CTNNA3: variants seen among roughly 807,000 people sequenced by gnomAD.
The protein encoded by CTNNA3 is catenin alpha 3.
A neutral mutation model predicts 95.7 loss-of-function variants in CTNNA3; 76 were observed. The ratio of observed to expected loss-of-function variants is 0.79; its 90% CI spans 0.66 to 0.96. The LOEUF (loss-of-function observed/expected upper bound fraction) is 0.96. Among genes scored for constraint, CTNNA3 ranks in the 40% least tolerant of loss-of-function variants. The probability of loss-of-function intolerance (pLI) is 0.00; values close to 1 mark genes in which losing one functional copy is unlikely to be tolerated. For synonymous variants in CTNNA3, 431 were observed against 374.4 expected (o/e 1.15, Z -1.74); for missense variants, 1,191 against 1,089.8 (o/e 1.09, Z -1.31).
At chr10:66,560,626 G>C (rs566529770) in intron 10 of CTNNA3, among the ~76,000 whole-genome samples, 30 of 152,020 alleles carry the variant, frequency 2.0e-4, no homozygotes, top group African/African-American at 6.8e-4. Flanking sequence ...ATTAGTTTAT[G>C]AATTCATTAT....
At position 66,445,151 on chromosome 10, in the gene CTNNA3, G is replaced by A. The variant is rs923412565; in HGVS notation, c.1532-65799C>T. On this transcript the variant is annotated intron_variant, in intron 11 of 17. Transcript: ENST00000433211. The stretch of plus-strand genomic sequence containing the variant: ...CCTAAATATACATGCACCCAATACA[G>A]GAGCAACCAGATTCATAAAGCAAGT... 5.1e-4 allele frequency among the ~76,000 whole-genome samples: 77 copies of A among 151,736 alleles called. 1 individual carries two copies. The highest frequency in any genetic ancestry group is 1.7e-3 in the Admixed American group (26 of 15,218).
intron 6 of CTNNA3, among the ~76,000 whole-genome samples, chr10:67,184,969 T>A (rs931253707): frequency 2.6e-5 from 4 of 152,190 alleles, no homozygotes; most frequent in Non-Finnish European, 5.9e-5. Flanking sequence ...CATGCATAGT[T>A]TTTTATAATA....
At chr10:66,947,451 T>C (rs897028505) in intron 7 of CTNNA3, among the ~76,000 whole-genome samples, 2 of 152,166 alleles carry the variant, frequency 1.3e-5, no homozygotes, top group Admixed American at 6.5e-5. Flanking sequence ...TGGTTCTGCT[T>C]CTTCTACATA....
intron 13 of CTNNA3, among the ~76,000 whole-genome samples, chr10:66,148,494 A>T (rs1024545605): frequency 2.6e-4 from 39 of 152,182 alleles, no homozygotes; most frequent in African/African-American, 9.4e-4. Flanking sequence ...CGAGGATGGG[A>T]TTAGTGCCCT....
chr10:66,671,465 C>T (rs1161165672), intron 9 of CTNNA3, among the ~76,000 whole-genome samples: 1 of 152,044 alleles, frequency 6.6e-6, no homozygotes, highest in African/African-American at 2.4e-5. Context: ...AAAAATAATT[C>T]TAATGCTCCA....
intron 7 of CTNNA3, among the ~76,000 whole-genome samples, chr10:66,845,980 A>C (rs1843256828): frequency 6.6e-6 from 1 of 151,518 alleles, no homozygotes; most frequent in South Asian, 2.1e-4. Flanking sequence ...AAAATACACA[A>C]ATTTAGCCGG....
intron 4 of CTNNA3, among the ~76,000 whole-genome samples, chr10:67,531,939 A>T (rs1029314958): frequency 6.6e-6 from 1 of 152,014 alleles, no homozygotes; most frequent in East Asian, 1.9e-4. Context: ...TTCCCTCCAC[A>T]AGCTCTCTCT....
chr10:66,894,743 C>A (rs1477907839), intron 7 of CTNNA3, among the ~76,000 whole-genome samples: 1 of 151,752 alleles, frequency 6.6e-6, no homozygotes, highest in African/African-American at 2.4e-5. Context: ...TAGATTTTTT[C>A]AAAGCACAAC....
chr10:67,116,721 AAT>A (rs34041126), intron 7 of CTNNA3, among the ~76,000 whole-genome samples: 69,084 of 143,320 alleles, frequency 0.48, 16,822 homozygotes, highest in Middle Eastern at 0.64. Context: ...CAGTTTTGAA[AAT>A]ATATATATAT....
intron 5 of CTNNA3, among the ~76,000 whole-genome samples, chr10:67,377,606 T>A (rs1843744644): frequency 7.1e-6 from 1 of 140,578 alleles, no homozygotes; most frequent in African/African-American, 2.6e-5. Flanking sequence ...CTCTAACTAT[T>A]CTTTCTCTAT....
At chr10:66,155,520 T>C (rs1589577648) in intron 13 of CTNNA3, among the ~76,000 whole-genome samples, 2 of 151,872 alleles carry the variant, frequency 1.3e-5, no homozygotes, top group Admixed American at 1.3e-4. Context: ...AACTGATCAA[T>C]GGAAAAAAGT....
At chr10:66,054,662 C>A (rs1021228992) in intron 15 of CTNNA3, among the ~76,000 whole-genome samples, 1 of 151,964 alleles carries the variant, frequency 6.6e-6, no homozygotes, top group Non-Finnish European at 1.5e-5. Flanking sequence ...TTTTTTCCAT[C>A]CCGTGGGTTG....
intron 13 of CTNNA3, among the ~76,000 whole-genome samples, chr10:66,111,360 T>A (rs569460536): frequency 6.6e-6 from 1 of 152,328 alleles, no homozygotes; most frequent in Admixed American, 6.5e-5. Context: ...TTAAGTCTCT[T>A]TTATTTATAA....
chr10:67,286,472 C>T (rs1839606882), intron 5 of CTNNA3, among the ~76,000 whole-genome samples: 1 of 152,192 alleles, frequency 6.6e-6, no homozygotes, highest in Non-Finnish European at 1.5e-5. Flanking sequence ...ATATTACCTA[C>T]CTCACAGGGT....
chr10:67,744,700 A>G (rs940681898), intron 1 of CTNNA3, among the ~76,000 whole-genome samples: 1 of 150,524 alleles, frequency 6.6e-6, no homozygotes, highest in Admixed American at 6.6e-5. Flanking sequence ...AGAAACTACC[A>G]TCAGAGTGAA....
chr10:67,464,289 C>A lies in CTNNA3; in HGVS notation c.579+57553G>T, dbSNP rs189960253. ...CAGTCTTTCGCTCCCCTATCTTCTT[C>A]ACCAATTCAAATTTTTTATATTCTT... On this transcript the variant is annotated intron_variant, in intron 5 of 17. Transcript: ENST00000433211. 2.1e-3 allele frequency among the ~76,000 whole-genome samples: 324 copies of A among 152,256 alleles called. 2 individuals are homozygous for A. The highest frequency in any genetic ancestry group is 7.5e-3 in the African/African-American group (311 of 41,546).
rs1443705431 is a variant in CTNNA3 at position 67,609,338 on chromosome 10, A to T, written c.100-2289T>A. ...TCATGCATCACATCTTTGACAGCAA[A>T]CTACATAATGCTTCCTGCTCAGTAG... On this transcript the variant is annotated intron_variant, in intron 2 of 17. Coordinates refer to ENST00000433211, the MANE Select transcript of CTNNA3 (RefSeq NM_013266.4). Among the ~76,000 whole-genome samples, 3 of 152,130 alleles carry T rather than the reference A, an allele frequency of 2.0e-5. No homozygotes were observed. The East Asian group carries it at 5.8e-4, about 29-fold the overall frequency.
At chr10:67,402,833 A>G (rs1012890777) in intron 5 of CTNNA3, among the ~76,000 whole-genome samples, 2 of 152,028 alleles carry the variant, frequency 1.3e-5, no homozygotes, top group Non-Finnish European at 2.9e-5. Context: ...AGATTTACAT[A>G]CCCCAGCCAC....
At chr10:66,241,058 G>A (rs1186243261) in intron 13 of CTNNA3, among the ~76,000 whole-genome samples, 2 of 152,038 alleles carry the variant, frequency 1.3e-5, no homozygotes, top group Non-Finnish European at 2.9e-5. Flanking sequence ...AACTCAGGTA[G>A]AGAAGAAGAA....
Sources: gnomAD v4.1 joint callset for allele counts (sites outside exome capture counted in the v4.1 genomes callset) on GRCh38, gnomAD v4.1.1 for gene constraint, MANE v1.5 for transcripts, NCBI Gene and HGNC (gene_info 2026-07-23, HGNC 2026-07-21) for gene names.